The following CDKL1 variants were observed in gnomAD, a reference collection of about 807,000 sequenced individuals.
CDKL1 encodes the protein cyclin-dependent kinase-like 1.
Under a neutral mutation model 42.0 loss-of-function variants are expected in CDKL1, and 41 were observed. The observed-to-expected ratio is 0.98, with a 90% CI of 0.76 to 1.27. The LOEUF is 1.27. Among genes scored for constraint, CDKL1 ranks in the 50% most tolerant of loss-of-function variants. The pLI is 0.00. For missense variants in CDKL1, 394 were observed against 428.4 expected, an observed-to-expected ratio of 0.92 and a Z score of 0.71; for synonymous variants, 153 against 158.6, an observed-to-expected ratio of 0.96 and a Z score of 0.26.
intron 2 of CDKL1, among the ~76,000 whole-genome samples, chr14:50,391,787 T>A (rs2035263907): frequency 6.6e-6 from 1 of 152,164 alleles, no homozygotes; most frequent in African/African-American, 2.4e-5. Context: ...ACATCAAGTT[T>A]TTTCTCTACT....
Position 50,330,156 on chromosome 14 carries a change from C to T in CDKL1, c.992G>A (p.Gly331Asp). 2 of 1,607,146 alleles carry T rather than the reference C, an allele frequency of 1.2e-6. No homozygotes were observed. Among genetic ancestry groups the T allele is most frequent in the Non-Finnish European group, 1.7e-6 (2 of 1,178,644 alleles). Residue 331 changes from glycine to aspartate, a missense_variant, in exon 10 of 10, where the codon GGC (glycine) becomes GAC (aspartate). Physicochemically the swap from Gly to Asp is moderately conservative, Grantham distance 94. Transcript: ENST00000395834. ...SKLQYLPQLT[G>D]SSILPALDNK... ...ATCCAAAGCTGGAAGGATGCTGCTG[C>T]CAGTTAGCTGGGGTAGGTACTGCAA...
rs1417194226 is a variant in CDKL1, at chr14:50,387,229, TG to T, written c.168+8471del. On this transcript the variant is annotated intron_variant, in intron 2 of 9. Coordinates refer to ENST00000395834, the MANE Select transcript of CDKL1 (RefSeq NM_004196.7). Reference sequence around the variant, plus strand: ...CTTAAAAAAAAAAAAAAAATGGGGGTGGGGGTGGTGGGCCTGATGCGGTGAC... The same window carrying T: ...CTTAAAAAAAAAAAAAAAATGGGGGTGGGGTGGTGGGCCTGATGCGGTGAC... Among the ~76,000 whole-genome samples, 43 of 64,106 alleles carry T rather than the reference TG, an allele frequency of 6.7e-4. 1 individual carries two copies. The highest frequency in any genetic ancestry group is 2.6e-3 in the African/African-American group (43 of 16,616). 42.1% of individuals were successfully genotyped at this position (64,106 alleles called of 152,430 possible). A position where few individuals can be genotyped will look rare whatever the true frequency, so the allele number is the denominator to read the frequency against.
At chr14:50,335,471 A>G in intron 7 of CDKL1, 1 of 1,536,044 alleles carries the variant, frequency 6.5e-7, no homozygotes. Context: ...TGCTGTTTAA[A>G]CAGTCTCCTG....
chr14:50,332,597 A>G (rs1244232873), intron 8 of CDKL1, 165 bp from the exon 9 acceptor site: 2 of 1,483,736 alleles, frequency 1.3e-6, no homozygotes, highest in East Asian at 2.5e-5. Flanking sequence ...TCATTCCTAA[A>G]TGGCACTCAC....
chr14:50,396,671 CAGGAGACCAACCCG>C, intron 1 of CDKL1, 139 bp downstream of exon 1: 1 of 170,102 alleles, frequency 5.9e-6, no homozygotes, highest in Non-Finnish European at 1.2e-5. Context: ...GGCTTGGCCG[CAGGAGACCAACCCG>C]CGCCCCGCGC....
chr14:50,343,199 G>A (rs567799630), intron 4 of CDKL1: 22 of 401,738 alleles, frequency 5.5e-5, no homozygotes, highest in Non-Finnish European at 7.8e-5. Context: ...TACTGCTCAG[G>A]GTCCCTAATA....
At chr14:50,388,686 CA>C (rs993439327) in intron 2 of CDKL1, among the ~76,000 whole-genome samples, 8 of 152,122 alleles carry the variant, frequency 5.3e-5, no homozygotes, top group African/African-American at 1.9e-4. Flanking sequence ...CCCTCCTCAG[CA>C]AAAAATCAGC....
intron 2 of CDKL1, among the ~76,000 whole-genome samples, chr14:50,391,691 CT>C (rs1286552292): frequency 6.6e-6 from 1 of 152,114 alleles, no homozygotes; most frequent in East Asian, 1.9e-4. Context: ...CCTAAATTGT[CT>C]TTTTTTATGC....
rs1708169072 is a variant in CDKL1, at chr14:50,341,126, T to A, written c.561A>T (p.Ala187=). ...GCAGCTCAGCAAAGACACAGCCAAT[T>A]GCCCAAACATCCACCGGGGGGCCGT... ...TQYGPPVDVW[A]IGCVFAELLS... is the part of the protein sequence containing the mutation. Residue 187 remains alanine, a synonymous_variant, in exon 6 of 10, where the codon GCA becomes GCT. Transcript: ENST00000395834. 6.2e-7 allele frequency: 1 copy of A among 1,614,194 alleles called. No homozygotes were observed. Among genetic ancestry groups the A allele is most frequent in the Non-Finnish European group, 8.5e-7 (1 of 1,180,030 alleles).
Position 50,359,122 on chromosome 14 carries a change from G to A in CDKL1, c.196C>T (p.Leu66Phe). Residue 66 changes from leucine (L) to phenylalanine (F), a missense_variant, in exon 3 of 10, where the codon CTC becomes TTC. Transcript: ENST00000395834. ...CGTTTCCTCCTGAAGACTTCCAGGA[G>A]GTTAACAAGGTTGGGATGCTTGAGT... is the stretch of plus-strand genomic sequence containing the variant. Reference protein sequence around the residue: ...KQLKHPNLVNLLEVFRRKRRL... With the variant: ...KQLKHPNLVNFLEVFRRKRRL... The A allele has an allele frequency of 1.2e-6, 2 of 1,611,942 alleles. No homozygotes were observed. Among genetic ancestry groups the A allele is most frequent in the South Asian group, 1.1e-5 (1 of 90,858 alleles).
intron 7 of CDKL1, chr14:50,335,363 A>G: frequency 1.4e-6 from 1 of 727,312 alleles, no homozygotes; most frequent in Non-Finnish European, 2.2e-6. Flanking sequence ...TGCAAAATAG[A>G]TGTTTTTCCC....
At position 50,344,987 on chromosome 14, in the gene CDKL1, TTG is replaced by T; in HGVS notation, c.360_361del (p.His120GlnfsTer5). On this transcript the variant is annotated frameshift_variant and splice_region_variant, in exon 4 of 10. Transcript: ENST00000395834. LOFTEE classifies it high-confidence loss of function. ...TTCAAAAGAGATCATGAGACTTACA[TTG>T]TGTTTATGGCAAAAATTTACAGCTT... The T allele has an allele frequency of 1.9e-6, 3 of 1,613,098 alleles. No individual in the cohort carries two copies. The East Asian group carries it at 6.7e-5, about 36-fold the overall frequency.
At chr14:50,388,488 T>C (rs1418465969) in intron 2 of CDKL1, among the ~76,000 whole-genome samples, 1 of 152,162 alleles carries the variant, frequency 6.6e-6, no homozygotes. Context: ...TGGGGGACTG[T>C]GTGAAGAGCT....
At chr14:50,363,497 C>T (rs2034344566) in intron 2 of CDKL1, among the ~76,000 whole-genome samples, 1 of 152,148 alleles carries the variant, frequency 6.6e-6, no homozygotes, top group South Asian at 2.1e-4. Context: ...TGATAGAATT[C>T]GCAGAAAGCA....
rs1293121725 is a variant in CDKL1 at position 50,330,060 on chromosome 14, G to T, written c.*14C>A. On this transcript the variant is annotated 3_prime_UTR_variant, in exon 10 of 10. Coordinates refer to ENST00000395834, the MANE Select transcript of CDKL1 (RefSeq NM_004196.7). Reference sequence around the variant, plus strand: ...CTATTGATTCCTTTTTTAAAATCATGTCTCCTAGCTCCTTTAAATGTTTGG... The same window carrying T: ...CTATTGATTCCTTTTTTAAAATCATTTCTCCTAGCTCCTTTAAATGTTTGG... 6.2e-7 allele frequency: 1 copy of T among 1,600,522 alleles called. No individual in the cohort carries two copies. Among genetic ancestry groups the T allele is most frequent in the Non-Finnish European group, 8.5e-7 (1 of 1,176,736 alleles).
chr14:50,341,010 G>A (rs1224180828), intron 6 of CDKL1, 22 bp downstream of exon 6: 2 of 1,607,464 alleles, frequency 1.2e-6, no homozygotes, highest in African/African-American at 2.7e-5. Flanking sequence ...TTTCCAAAAG[G>A]TGGGACAAAA....
intron 3 of CDKL1, among the ~76,000 whole-genome samples, chr14:50,349,461 A>G (rs973957937): frequency 1.4e-4 from 21 of 152,266 alleles, no homozygotes; most frequent in Middle Eastern, 3.4e-3. Context: ...TGGAGACCCA[A>G]TGCAGGAGGG....
At chr14:50,375,077 A>G (rs2034692203) in intron 2 of CDKL1, among the ~76,000 whole-genome samples, 1 of 152,206 alleles carries the variant, frequency 6.6e-6, no homozygotes, top group Non-Finnish European at 1.5e-5. Context: ...CACATTCTGC[A>G]CATGTATCCC....
intron 2 of CDKL1, chr14:50,380,104 C>T (rs758852089): frequency 9.7e-6 from 5 of 514,066 alleles, no homozygotes; most frequent in Non-Finnish European, 2.0e-5. Flanking sequence ...GCTAAGCATA[C>T]CCTCACATTG....
Sources: gnomAD v4.1 joint callset for allele counts (sites outside exome capture counted in the v4.1 genomes callset) on GRCh38, gnomAD v4.1.1 for gene constraint, MANE v1.5 for transcripts, NCBI Gene and HGNC (gene_info 2026-07-23, HGNC 2026-07-21) for gene names.